LPGAT1: variants seen among roughly 807,000 people sequenced by gnomAD.
LPGAT1 encodes acyl-CoA:lysophosphatidylglycerol acyltransferase 1.
Under a neutral mutation model 47.5 loss-of-function variants are expected in LPGAT1, and 11 were observed. The observed-to-expected ratio is 0.23, with a 90% CI of 0.15 to 0.38. The LOEUF (loss-of-function observed/expected upper bound fraction) is 0.38, where lower values mean the gene tolerates loss of function less well. Among genes scored for constraint, LPGAT1 ranks in the 10% least tolerant of loss-of-function variants. The pLI is 1.00. For missense variants in LPGAT1, 293 were observed against 439.0 expected, an observed-to-expected ratio of 0.67 and a Z score of 2.97; for synonymous variants, 138 against 144.2, an observed-to-expected ratio of 0.96 and a Z score of 0.31.
chr1:211,787,066 A>G (rs1658910790), intron 4 of LPGAT1, among the ~76,000 whole-genome samples: 1 of 152,166 alleles, frequency 6.6e-6, no homozygotes, highest in Non-Finnish European at 1.5e-5. Flanking sequence ...ATGTTTACTA[A>G]ACTAAAAATG....
chr1:211,788,306 TAAAC>T (rs1371497438), intron 3 of LPGAT1, among the ~76,000 whole-genome samples: 1 of 152,188 alleles, frequency 6.6e-6, no homozygotes, highest in African/African-American at 2.4e-5. Context: ...CCTCAGTCCT[TAAAC>T]AGAAAAATAT....
At chr1:211,755,327 G>C (rs921115771) in intron 6 of LPGAT1, among the ~76,000 whole-genome samples, 4 of 151,530 alleles carry the variant, frequency 2.6e-5, no homozygotes, top group Non-Finnish European at 5.9e-5. Context: ...GACAGAGCAA[G>C]ACTCCGTCTC....
chr1:211,818,216 T>C (rs779961145), intron 2 of LPGAT1, among the ~76,000 whole-genome samples: 1 of 152,112 alleles, frequency 6.6e-6, no homozygotes, highest in Non-Finnish European at 1.5e-5. Flanking sequence ...TTAACAGAAA[T>C]AGACTAGTAA....
At chr1:211,770,639 T>A (rs996634753) in intron 6 of LPGAT1, among the ~76,000 whole-genome samples, 16 of 152,190 alleles carry the variant, frequency 1.1e-4, no homozygotes, top group Non-Finnish European at 2.1e-4. Context: ...AATTACTTTA[T>A]TTTTAAAATA....
At chr1:211,784,216 G>A (rs1658754244) in intron 4 of LPGAT1, among the ~76,000 whole-genome samples, 3 of 152,192 alleles carry the variant, frequency 2.0e-5, no homozygotes, top group Non-Finnish European at 4.4e-5. Context: ...TGCATGGTAA[G>A]TAGTTTTGGA....
Position 211,745,920 on chromosome 1 carries a change from A to G in LPGAT1, c.*3979T>C, listed in dbSNP as rs1178206564. Reference sequence around the variant, plus strand: ...CAAAAAAACATAACAAACCATTTTTATCCATCCTCTGTGGACCAGAGCTGA... The same window carrying G: ...CAAAAAAACATAACAAACCATTTTTGTCCATCCTCTGTGGACCAGAGCTGA... On this transcript the variant is annotated 3_prime_UTR_variant, in exon 8 of 8. Coordinates refer to ENST00000366997, the MANE Select transcript of LPGAT1 (RefSeq NM_014873.3). 6.5e-6 allele frequency: 1 copy of G among 152,690 alleles called. No individual in the cohort carries two copies. The highest frequency in any genetic ancestry group is 2.4e-5 in the African/African-American group (1 of 41,468). The allele number at this position is 152,690 out of a possible 1,614,324, so 9.5% of individuals were successfully genotyped here.
intron 6 of LPGAT1, among the ~76,000 whole-genome samples, chr1:211,767,685 A>C (rs1657975786): frequency 6.6e-6 from 1 of 152,222 alleles, no homozygotes; most frequent in Admixed American, 6.5e-5. Context: ...TGATGATAAG[A>C]AAAGCAGAAA....
At chr1:211,789,594 G>C (rs1479288005) in intron 3 of LPGAT1, among the ~76,000 whole-genome samples, 2 of 152,074 alleles carry the variant, frequency 1.3e-5, no homozygotes, top group Non-Finnish European at 2.9e-5. Context: ...TATTATAAGG[G>C]TACCAGGCTG....
At chr1:211,786,711 A>T (rs1360024057) in intron 4 of LPGAT1, among the ~76,000 whole-genome samples, 2 of 152,056 alleles carry the variant, frequency 1.3e-5, no homozygotes, top group Non-Finnish European at 2.9e-5. Context: ...TGATATACTT[A>T]TTTTTCCTAC....
At chr1:211,761,241 C>T (rs1657685393) in intron 6 of LPGAT1, among the ~76,000 whole-genome samples, 1 of 152,156 alleles carries the variant, frequency 6.6e-6, no homozygotes, top group Non-Finnish European at 1.5e-5. Context: ...TTATCCCAAG[C>T]AAATGTCTGC....
intron 5 of LPGAT1, among the ~76,000 whole-genome samples, chr1:211,783,027 G>A (rs73086200): frequency 0.02 from 3,096 of 152,166 alleles, 99 homozygotes; most frequent in African/African-American, 0.069. Context: ...TTGACTTTAC[G>A]CATTTCTGTA....
intron 6 of LPGAT1, among the ~76,000 whole-genome samples, chr1:211,757,418 A>G (rs546625685): frequency 5.3e-5 from 8 of 152,224 alleles, no homozygotes; most frequent in East Asian, 1.9e-4. Flanking sequence ...GTTGCTAAAT[A>G]TGTAAAGTGC....
intron 5 of LPGAT1, among the ~76,000 whole-genome samples, chr1:211,780,417 A>G (rs1163443818): frequency 6.6e-6 from 1 of 152,206 alleles, no homozygotes; most frequent in African/African-American, 2.4e-5. Flanking sequence ...GAAACATCAC[A>G]GAGGATACTG....
intron 2 of LPGAT1, among the ~76,000 whole-genome samples, chr1:211,825,181 C>T (rs566109758): frequency 1.2e-4 from 17 of 141,126 alleles, no homozygotes; most frequent in African/African-American, 4.3e-4. Flanking sequence ...ATTTCATGCA[C>T]AGTCTTCTTT....
rs1461111098 is a variant in LPGAT1, at chr1:211,747,513, A to C, written c.*2386T>G. 2.0e-5 allele frequency: 3 copies of C among 152,216 alleles called. No homozygotes were observed. Among genetic ancestry groups the C allele is most frequent in the Admixed American group, 6.5e-5 (1 of 15,282 alleles). The allele number at this position is 152,216 out of a possible 1,614,324, so 9.4% of individuals were successfully genotyped here. On this transcript the variant is annotated 3_prime_UTR_variant, in exon 8 of 8. Transcript: ENST00000366997. ...GTTCCTTTGGAGCACAGTGATGGCA[A>C]AAGTGGCCCTCAGCCACATTTATGT...
intron 1 of LPGAT1, chr1:211,829,581 C>T: frequency 7.8e-7 from 1 of 1,277,482 alleles, no homozygotes; most frequent in African/African-American, 1.5e-5. Context: ...TAACACAATT[C>T]CCATTCAGTA....
At chr1:211,829,018 A>T (rs376300932) in intron 2 of LPGAT1, 41 bp downstream of exon 2, 15 of 1,600,130 alleles carry the variant, frequency 9.4e-6, no homozygotes, top group Non-Finnish European at 1.1e-5. Flanking sequence ...TTCCTGACAA[A>T]TTTTTTCTTA....
chr1:211,824,748 T>C (rs539946016), intron 2 of LPGAT1, among the ~76,000 whole-genome samples: 45 of 152,364 alleles, frequency 3.0e-4, no homozygotes, highest in African/African-American at 1.1e-3. Flanking sequence ...CATCTTCACA[T>C]ACTAAATTGG....
intron 2 of LPGAT1, among the ~76,000 whole-genome samples, chr1:211,796,575 A>G (rs547913436): frequency 1.3e-5 from 2 of 152,316 alleles, no homozygotes; most frequent in East Asian, 3.9e-4. Context: ...GAACTGTGAA[A>G]GAATAAATAT....
Sources: gnomAD v4.1 joint callset for allele counts (sites outside exome capture counted in the v4.1 genomes callset) on GRCh38, gnomAD v4.1.1 for gene constraint, MANE v1.5 for transcripts, NCBI Gene and HGNC (gene_info 2026-07-23, HGNC 2026-07-21) for gene names.